RHOBTB2: variants seen among roughly 807,000 people sequenced by gnomAD.
RHOBTB2 encodes rho-related BTB domain-containing protein 2.
In RHOBTB2, 39 loss-of-function variants were observed where a neutral mutation model predicts 66.5. That is an observed-to-expected ratio of 0.59 (90% CI 0.45 to 0.77). The LOEUF (loss-of-function observed/expected upper bound fraction) is 0.77, where lower values mean the gene tolerates loss of function less well. Ranked by LOEUF, RHOBTB2 falls within the 30% of genes least tolerant of loss-of-function variation. The pLI, the probability that RHOBTB2 is intolerant of heterozygous loss-of-function variation, is 0.00. For missense variants in RHOBTB2, 755 were observed against 999.1 expected, an observed-to-expected ratio of 0.76 and a Z score of 3.29; for synonymous variants, 390 against 395.0, an observed-to-expected ratio of 0.99 and a Z score of 0.15.
rs1811465827 is a variant in RHOBTB2 at position 23,020,197 on chromosome 8, C to T, written c.*2728C>T. ...CATAAATACATAAGTATTTTGTACACAATGTGCTTCCTTGTTTGTATTATA... is the reference window on the plus strand; with the variant it reads ...CATAAATACATAAGTATTTTGTACATAATGTGCTTCCTTGTTTGTATTATA... On this transcript the variant is annotated 3_prime_UTR_variant, in exon 10 of 10. Transcript: ENST00000251822. The T allele has an allele frequency of 4.5e-6, 2 of 443,534 alleles. No homozygotes were observed. The highest frequency in any genetic ancestry group is 9.1e-6 in the Non-Finnish European group (2 of 219,292). The allele number at this position is 443,534 out of a possible 1,614,324, so 27.5% of individuals were successfully genotyped here. A position where few individuals can be genotyped will look rare whatever the true frequency, so the allele number is the denominator to read the frequency against.
At chr8:23,008,676 C>G (rs949654797) in intron 6 of RHOBTB2, among the ~76,000 whole-genome samples, 1 of 152,138 alleles carries the variant, frequency 6.6e-6, no homozygotes, top group African/African-American at 2.4e-5. Flanking sequence ...GCTGGGGTCA[C>G]ATGGGGAAGC....
the RHOBTB2 span, among the ~76,000 whole-genome samples, chr8:22,965,885 C>G: frequency 6.6e-6 from 1 of 151,920 alleles, no homozygotes; most frequent in Non-Finnish European, 1.5e-5. Flanking sequence ...TTGAATATGA[C>G]ATAAAAAAGA....
At chr8:22,990,615 G>A (rs1282296487) in intron 1 of RHOBTB2, among the ~76,000 whole-genome samples, 1 of 152,218 alleles carries the variant, frequency 6.6e-6, no homozygotes, top group East Asian at 1.9e-4. Flanking sequence ...AGAAGGAGGA[G>A]GAAGAGGGTG....
upstream of RHOBTB2, among the ~76,000 whole-genome samples, chr8:22,986,970 C>T (rs1810299863): frequency 6.6e-6 from 1 of 152,248 alleles, no homozygotes; most frequent in Non-Finnish European, 1.5e-5. Flanking sequence ...AGCAACCACC[C>T]CTACCTTGCT....
chr8:22,996,499 GTGTGTGTGTGTGT>G (rs1810562830), upstream of RHOBTB2, among the ~76,000 whole-genome samples: 2 of 692 alleles, frequency 2.9e-3, no homozygotes, highest in East Asian at 0.05. Flanking sequence ...GAGGGCTGGT[GTGTGTGTGTGTGT>G]GTGTGTGTGT....
intron 6 of RHOBTB2, among the ~76,000 whole-genome samples, chr8:23,009,331 G>T (rs191762517): frequency 6.2e-4 from 94 of 152,254 alleles, no homozygotes; most frequent in Middle Eastern, 3.4e-3. Flanking sequence ...GTTGGAAGAA[G>T]CCTATCAATG....
the RHOBTB2 span, among the ~76,000 whole-genome samples, chr8:22,966,433 G>A: frequency 3.9e-5 from 6 of 152,044 alleles, no homozygotes; most frequent in African/African-American, 1.4e-4. Flanking sequence ...AACGGGTGAA[G>A]GACTTGAATA....
upstream of RHOBTB2, chr8:22,995,968 G>A: frequency 1.5e-6 from 2 of 1,298,602 alleles, no homozygotes; most frequent in Non-Finnish European, 2.2e-6. Context: ...GAGCCAGGCG[G>A]TCTGCGTTGG....
upstream of RHOBTB2, among the ~76,000 whole-genome samples, chr8:22,985,702 A>G (rs1459930079): frequency 6.6e-6 from 1 of 152,204 alleles, no homozygotes; most frequent in Non-Finnish European, 1.5e-5. Flanking sequence ...CCTATAGAAC[A>G]TTCCCAGCCA....
At chr8:22,960,012 A>AC in the RHOBTB2 span, among the ~76,000 whole-genome samples, 2 of 150,000 alleles carry the variant, frequency 1.3e-5, no homozygotes, top group Admixed American at 6.6e-5. Flanking sequence ...AAAAAAAAAA[A>AC]AAAAAAAAAT....
intron 9 of RHOBTB2, 56 bp downstream of exon 9, chr8:23,015,799 A>G: frequency 8.1e-7 from 1 of 1,229,818 alleles, no homozygotes; most frequent in Non-Finnish European, 1.2e-6. Context: ...AGGGGTGCAC[A>G]GCTCCCATGT....
At chr8:22,981,841 T>C in the RHOBTB2 span, among the ~76,000 whole-genome samples, 10 of 152,166 alleles carry the variant, frequency 6.6e-5, no homozygotes, top group Non-Finnish European at 1.3e-4. Flanking sequence ...AGCCTGGCCC[T>C]GAGCCCAGTC....
the RHOBTB2 span, among the ~76,000 whole-genome samples, chr8:22,967,094 C>A: frequency 2.0e-5 from 3 of 152,144 alleles, no homozygotes; most frequent in Non-Finnish European, 4.4e-5. Flanking sequence ...TTAGAGAGAC[C>A]TTTGTAGTAG....
At chr8:22,986,012 A>C (rs138860586), upstream of RHOBTB2, among the ~76,000 whole-genome samples, 248 of 152,308 alleles carry the variant, frequency 1.6e-3, 1 homozygote, top group African/African-American at 5.7e-3. Flanking sequence ...GAAGCAGGTC[A>C]AGGACAGTTA....
intron 7 of RHOBTB2, among the ~76,000 whole-genome samples, chr8:23,012,763 C>A (rs903198224): frequency 4.6e-5 from 7 of 152,126 alleles, no homozygotes; most frequent in Non-Finnish European, 8.8e-5. Context: ...GGACTATGGG[C>A]CTGCCTCATC....
chr8:22,965,960 C>T, the RHOBTB2 span, among the ~76,000 whole-genome samples: 1 of 152,148 alleles, frequency 6.6e-6, no homozygotes, highest in African/African-American at 2.4e-5. Context: ...CATCAAAGAA[C>T]ACTGTCAACA....
At chr8:22,965,915 C>A in the RHOBTB2 span, among the ~76,000 whole-genome samples, 2 of 152,038 alleles carry the variant, frequency 1.3e-5, no homozygotes, top group African/African-American at 4.8e-5. Context: ...ATAAAATAAA[C>A]AAACTGGACT....
At chr8:22,958,673 C>G in the RHOBTB2 span, among the ~76,000 whole-genome samples, 7 of 151,760 alleles carry the variant, frequency 4.6e-5, no homozygotes, top group African/African-American at 1.5e-4. Flanking sequence ...TGGTGGTGCA[C>G]ACCTGTGGTT....
the RHOBTB2 span, among the ~76,000 whole-genome samples, chr8:22,981,507 T>C: frequency 1.3e-5 from 2 of 152,168 alleles, no homozygotes; most frequent in Non-Finnish European, 2.9e-5. Flanking sequence ...GTAGGCTGGT[T>C]TTGAGAGCTG....
Sources: allele counts gnomAD v4.1 joint callset (sites outside exome capture counted in the v4.1 genomes callset), GRCh38; gene constraint gnomAD v4.1.1; transcripts MANE v1.5; gene names NCBI Gene and HGNC (gene_info 2026-07-23, HGNC 2026-07-21).